PACS2: variants seen among roughly 807,000 people sequenced by gnomAD.
PACS2 encodes the protein phosphofurin acidic cluster sorting protein 2.
Under a neutral mutation model 113.0 loss-of-function variants are expected in PACS2, and 36 were observed. The ratio of observed to expected loss-of-function variants is 0.32; its 90% CI spans 0.24 to 0.42. The LOEUF (loss-of-function observed/expected upper bound fraction) is 0.42. PACS2 is among the 10% of genes least tolerant of loss of function. The pLI is 1.00. For missense variants in PACS2, 1,015 were observed against 1,239.5 expected, an observed-to-expected ratio of 0.82 and a Z score of 2.72; for synonymous variants, 589 against 536.1, an observed-to-expected ratio of 1.10 and a Z score of -1.36.
intron 1 of PACS2, chr14:105,336,300 A>G (rs1324260750): frequency 6.6e-6 from 1 of 152,598 alleles, no homozygotes; most frequent in South Asian, 2.1e-4. Context: ...GCGCTGGTGC[A>G]TTTCTCAGAA....
chr14:105,391,975 G>A, intron 22 of PACS2: 1 of 576,640 alleles, frequency 1.7e-6, no homozygotes, highest in East Asian at 3.0e-5. Flanking sequence ...CTGGGGGACA[G>A]AAACTCCTGC....
intron 15 of PACS2, chr14:105,383,126 G>A (rs2081050851): frequency 1.6e-6 from 1 of 627,408 alleles, no homozygotes; most frequent in Non-Finnish European, 2.8e-6. Context: ...ACACTGGAGT[G>A]GTGGCCTCCT....
intron 1 of PACS2, among the ~76,000 whole-genome samples, chr14:105,338,931 C>G (rs2059623931): frequency 6.6e-6 from 1 of 152,240 alleles, no homozygotes. Context: ...CTGCTCTCCT[C>G]TCTGAGCCTG....
At chr14:105,318,652 T>TTTTTA (rs1212973163) in intron 1 of PACS2, among the ~76,000 whole-genome samples, 94 of 149,908 alleles carry the variant, frequency 6.3e-4, no homozygotes, top group Middle Eastern at 6.8e-3. Context: ...TATTTATTTA[T>TTTTTA]TTTTATTTTA....
intron 4 of PACS2, 45 bp from the exon 5 acceptor site, chr14:105,367,168 C>T (rs782142561): frequency 1.3e-6 from 2 of 1,584,596 alleles, no homozygotes; most frequent in African/African-American, 1.3e-5. Flanking sequence ...CACCGGGGCT[C>T]CTTCCCGTCG....
At chr14:105,305,904 G>A (rs1005708918) in intron 1 of PACS2, among the ~76,000 whole-genome samples, 4 of 152,220 alleles carry the variant, frequency 2.6e-5, no homozygotes, top group Admixed American at 6.5e-5. Context: ...ACCCTCACTC[G>A]CACCGCGCCA....
chr14:105,314,147 T>C (rs1479873076), upstream of PACS2, among the ~76,000 whole-genome samples: 1 of 151,808 alleles, frequency 6.6e-6, no homozygotes, highest in Non-Finnish European at 1.5e-5. Context: ...GCCACCTCCT[T>C]GCCACCTCCC....
At position 105,315,100 on chromosome 14, in the gene PACS2, C is replaced by G. The variant is rs1307081564; in HGVS notation, c.119+63C>G. 1.0e-6 allele frequency: 1 copy of G among 997,042 alleles called. No homozygotes were observed. Among genetic ancestry groups the G allele is most frequent in the Non-Finnish European group, 1.2e-6 (1 of 823,536 alleles). The allele number at this position is 997,042 out of a possible 1,614,324, so 61.8% of individuals were successfully genotyped here. A position where few individuals can be genotyped will look rare whatever the true frequency, so the allele number is the denominator to read the frequency against. ...CCTGCTGGGGGTGTCCTGGCCGCGGCCTCTGCGCGCCCCATCCCCGGCCCG... is the reference window on the plus strand; with the variant it reads ...CCTGCTGGGGGTGTCCTGGCCGCGGGCTCTGCGCGCCCCATCCCCGGCCCG... On this transcript the variant is annotated intron_variant, in intron 1 of 24. Coordinates refer to ENST00000447393, the MANE Select transcript of PACS2 (RefSeq NM_001100913.3). This position sits in a 1 kb window ranked among gnomAD's most constrained non-coding sequence, Gnocchi z 4.4.
chr14:105,344,353 C>T (rs373170301), intron 1 of PACS2, among the ~76,000 whole-genome samples: 9 of 151,574 alleles, frequency 5.9e-5, no homozygotes, highest in African/African-American at 1.9e-4. Context: ...TGCAGTGATA[C>T]GATCTCGGCT....
intron 8 of PACS2, among the ~76,000 whole-genome samples, chr14:105,373,787 C>CA (rs587725045): frequency 0.029 from 3,966 of 137,390 alleles, 199 homozygotes; most frequent in African/African-American, 0.098. Context: ...GACCCTGTCT[C>CA]AAAAAAAAAA....
chr14:105,317,558 A>T lies in PACS2; in HGVS notation c.119+2521A>T, dbSNP rs2058725096. On this transcript the variant is annotated intron_variant, in intron 1 of 24. Coordinates refer to ENST00000447393, the MANE Select transcript of PACS2 (RefSeq NM_001100913.3). The surrounding 1 kb of genome is among the most constrained non-coding windows in gnomAD (Gnocchi z 4.2). ...CGTGGTTTTAACTTGAATTTCTCTG[A>T]TTACTAATTTAGGCCATTTGTACTT... Among the ~76,000 whole-genome samples, 2 of 152,024 alleles carry T rather than the reference A, an allele frequency of 1.3e-5. No homozygotes were observed. The highest frequency in any genetic ancestry group is 4.1e-4 in the South Asian group (2 of 4,820).
chr14:105,352,124 C>T lies in PACS2; in HGVS notation c.208-254C>T, dbSNP rs587751001. 3.3e-5 allele frequency among the ~76,000 whole-genome samples: 5 copies of T among 152,336 alleles called. 1 individual carries two copies. In the East Asian group the frequency reaches 9.6e-4, roughly 29 times the overall value. ...ATCGCGTTAACTTCAGCAGGAGCCG[C>T]TCCTGGTTTCTCTCTCATGTCTTAG... On this transcript the variant is annotated intron_variant, in intron 2 of 24. Transcript: ENST00000447393.
In PACS2 at chr14:105,376,335, G is replaced by T. The variant is rs2080772694; in HGVS notation, c.802-433G>T. Among the ~76,000 whole-genome samples, 1 of 152,034 alleles carries T rather than the reference G, an allele frequency of 6.6e-6. No homozygotes were observed. Among genetic ancestry groups the T allele is most frequent in the African/African-American group, 2.4e-5 (1 of 41,378 alleles). ...GGTAGCACTCGGGAAAGGGCAGAATGTACAGGAACAGAGTGAGATTCGCAG... is the reference window on the plus strand; with the variant it reads ...GGTAGCACTCGGGAAAGGGCAGAATTTACAGGAACAGAGTGAGATTCGCAG... On this transcript the variant is annotated intron_variant, in intron 8 of 24. Coordinates refer to ENST00000447393, the MANE Select transcript of PACS2 (RefSeq NM_001100913.3). This position sits in a 1 kb window ranked among gnomAD's most constrained non-coding sequence, Gnocchi z 4.7.
intron 24 of PACS2, chr14:105,394,100 G>A (rs782803749): frequency 9.3e-5 from 47 of 505,354 alleles, no homozygotes; most frequent in Non-Finnish European, 1.1e-4. Flanking sequence ...TTTCAGAAAC[G>A]GAGCTCTGGG....
intron 1 of PACS2, among the ~76,000 whole-genome samples, chr14:105,334,236 G>T (rs1216271973): frequency 6.6e-6 from 1 of 152,228 alleles, no homozygotes; most frequent in Non-Finnish European, 1.5e-5. Context: ...GGCCAAGGGA[G>T]TGGGCCCCGG....
At chr14:105,383,707 C>T (rs2081074463) in intron 16 of PACS2, 194 bp downstream of exon 16, 2 of 567,448 alleles carry the variant, frequency 3.5e-6, no homozygotes, top group East Asian at 3.0e-5. Context: ...TTGTTTGATA[C>T]AGTAACACTT....
At chr14:105,394,365 C>T (rs2081474610) in intron 24 of PACS2, 189 bp from the exon 25 acceptor site, 8 of 985,084 alleles carry the variant, frequency 8.1e-6, no homozygotes, top group Admixed American at 6.1e-5. Flanking sequence ...GCAGGAATGG[C>T]GTCCCTCAGG....
In PACS2 at chr14:105,358,748, G is replaced by C. The variant is rs984202137; in HGVS notation, c.423+3571G>C. Among the ~76,000 whole-genome samples, 1 of 152,196 alleles carries C rather than the reference G, an allele frequency of 6.6e-6. No homozygotes were observed. Among genetic ancestry groups the C allele is most frequent in the Non-Finnish European group, 1.5e-5 (1 of 68,018 alleles). The stretch of plus-strand genomic sequence containing the variant: ...AAGCTGCACATGCCACTGGGGCCAG[G>C]TCCAGCCCAAGGGGACCTGTGAGGG... On this transcript the variant is annotated intron_variant, in intron 4 of 24. Transcript: ENST00000447393. This position sits in a 1 kb window ranked among gnomAD's most constrained non-coding sequence, Gnocchi z 4.9.
chr14:105,347,798 G>A lies in PACS2; in HGVS notation c.120-695G>A, dbSNP rs587597115. Among the ~76,000 whole-genome samples, 9 of 152,348 alleles carry A rather than the reference G, an allele frequency of 5.9e-5. 1 individual carries two copies. In the East Asian group the frequency reaches 1.5e-3, roughly 26 times the overall value. On this transcript the variant is annotated intron_variant, in intron 1 of 24. Transcript: ENST00000447393. ...GTGGGTGGTGTGGGCATCTTCACTG[G>A]ATGGATTTGGAGCCCTGGCGCGTGT...
Sources: gnomAD v4.1 joint callset for allele counts (sites outside exome capture counted in the v4.1 genomes callset) on GRCh38, gnomAD v4.1.1 for gene constraint, Gnocchi (gnomAD v3.1) non-coding constraint, MANE v1.5 for transcripts, NCBI Gene and HGNC (gene_info 2026-07-23, HGNC 2026-07-21) for gene names.